The following TCF7 variants were observed in gnomAD, a reference collection of about 807,000 sequenced individuals.
The protein encoded by TCF7 is T-cell-factor-7.
In TCF7, 19 loss-of-function variants were observed where a neutral mutation model predicts 46.8. The observed-to-expected ratio is 0.41, with a 90% CI of 0.28 to 0.60. TCF7 has a LOEUF of 0.60. TCF7 is among the 20% of genes least tolerant of loss of function. The probability of loss-of-function intolerance (pLI) is 0.35; values close to 1 mark genes in which losing one functional copy is unlikely to be tolerated. For synonymous variants in TCF7, 245 were observed against 213.4 expected, an observed-to-expected ratio of 1.15 and a Z score of -1.29; for missense variants, 547 against 504.6, an observed-to-expected ratio of 1.08 and a Z score of -0.81.
chr5:134,128,121 T>C (rs535987671), intron 3 of TCF7, among the ~76,000 whole-genome samples: 7 of 152,298 alleles, frequency 4.6e-5, no homozygotes, highest in African/African-American at 1.7e-4. Flanking sequence ...GTTGCGTCTT[T>C]GGCCGCGCAC....
Position 134,138,972 on chromosome 5 carries a change from CT to C in TCF7, c.570del (p.Asp191ThrfsTer8). The C allele has an allele frequency of 1.2e-6, 2 of 1,614,040 alleles. No individual in the cohort carries two copies. ...GCAGTTCACAGGCCTCTGCAGACCC[CT>C]GACCTCTCTGGCTTCTACTCCCTGA... ...QKQVHRPLQT[P>X]DLSGFYSLTS... On this transcript the variant is annotated frameshift_variant, in exon 5 of 10. Transcript: ENST00000342854. LOFTEE classifies it high-confidence loss of function.
Position 134,145,906 on chromosome 5 carries a change from A to C in TCF7, c.1076-318A>C, listed in dbSNP as rs532659247. 7.8e-5 allele frequency: 120 copies of C among 1,541,648 alleles called. 1 individual carries two copies. In the South Asian group the frequency reaches 1.3e-3, roughly 16 times the overall value. On this transcript the variant is annotated intron_variant, in intron 9 of 9. Coordinates refer to ENST00000342854, the MANE Select transcript of TCF7 (RefSeq NM_003202.5). ...GTGAGTCCCACAAACACATCTGGAG[A>C]AGCTCAAAGGCCGGGACTGGGAGAT...
intron 3 of TCF7, among the ~76,000 whole-genome samples, chr5:134,120,625 G>A (rs1435408650): frequency 2.0e-5 from 3 of 152,116 alleles, no homozygotes; most frequent in Non-Finnish European, 4.4e-5. Flanking sequence ...GCACATAGCC[G>A]CCACCTTCTC....
At chr5:134,113,122 C>T (rs1209150054), upstream of TCF7, among the ~76,000 whole-genome samples, 1 of 152,204 alleles carries the variant, frequency 6.6e-6, no homozygotes, top group Admixed American at 6.5e-5. Flanking sequence ...GCCGAGCCCC[C>T]CCTTCCCCGC....
chr5:134,146,566 A>T lies in TCF7; in HGVS notation c.*263A>T. On this transcript the variant is annotated 3_prime_UTR_variant, in exon 10 of 10. Transcript: ENST00000342854. ...CGCCTCCAGGAGCCTACCCCCTGAA[A>T]GTGACAGAGACCCAGATCTCATGGA... The T allele has an allele frequency of 1.4e-6, 1 of 708,476 alleles. No homozygotes were observed. 43.9% of individuals were successfully genotyped at this position (708,476 alleles called of 1,614,324 possible). A position where few individuals can be genotyped will look rare whatever the true frequency, so the allele number is the denominator to read the frequency against.
At chr5:134,127,571 G>A (rs1369718061) in intron 3 of TCF7, among the ~76,000 whole-genome samples, 1 of 152,230 alleles carries the variant, frequency 6.6e-6, no homozygotes, top group Non-Finnish European at 1.5e-5. Context: ...TCTGAGTCAT[G>A]GGAAATGGCT....
rs1185149043 is a variant in TCF7 at position 134,147,588 on chromosome 5, C to T, written c.*1285C>T. 1 of 152,638 alleles carries T rather than the reference C, an allele frequency of 6.6e-6. No homozygotes were observed. Among genetic ancestry groups the T allele is most frequent in the Non-Finnish European group, 1.5e-5 (1 of 68,052 alleles). The allele number at this position is 152,638 out of a possible 1,614,324, so 9.5% of individuals were successfully genotyped here. On this transcript the variant is annotated 3_prime_UTR_variant, in exon 10 of 10. Transcript: ENST00000342854. ...AGTGGACAACAGGTTTTCACCATAGCCTACGTTAACCCATTTTTGAGCCAA... is the reference window on the plus strand; with the variant it reads ...AGTGGACAACAGGTTTTCACCATAGTCTACGTTAACCCATTTTTGAGCCAA...
At chr5:134,144,747 G>T in intron 9 of TCF7, 1 of 1,448,806 alleles carries the variant, frequency 6.9e-7, no homozygotes, top group Non-Finnish European at 9.7e-7. Flanking sequence ...CTGCCCCGCT[G>T]CCTGCTCGCC....
chr5:134,137,992 CCCTCATCCCAGTGT>C, intron 3 of TCF7, 53 bp from the exon 4 acceptor site: 1 of 1,334,668 alleles, frequency 7.5e-7, no homozygotes, highest in Non-Finnish European at 1.0e-6. Context: ...TTCCTGTATA[CCCTCATCCCAGTGT>C]CTTCCTCCCT....
chr5:134,119,675 G>A (rs1478796534), intron 3 of TCF7, among the ~76,000 whole-genome samples: 1 of 152,180 alleles, frequency 6.6e-6, no homozygotes, highest in African/African-American at 2.4e-5. Context: ...ACTCATGTTG[G>A]GGCTCCCGGC....
In TCF7 at chr5:134,143,047, G is replaced by T; in HGVS notation, c.973G>T (p.Glu325Ter). The T allele has an allele frequency of 6.2e-7, 1 of 1,611,924 alleles. No homozygotes were observed. The highest frequency in any genetic ancestry group is 8.5e-7 in the Non-Finnish European group (1 of 1,179,014). Residue 325 changes from glutamate (E) to a stop codon, truncating the protein, a stop_gained, in exon 8 of 10, where the codon GAG (glutamate) becomes TAG (stop). Coordinates refer to ENST00000342854, the MANE Select transcript of TCF7 (RefSeq NM_003202.5). LOFTEE classifies it high-confidence loss of function. ...CAAGTACTATGAGCTGGCCCGCAAG[G>T]AGAGGCAGCTGCACATGCAGCTATA... ...QAKYYELARK[E>*]RQLHMQLYPG... is the part of the protein sequence containing the mutation.
At chr5:134,121,417 C>T (rs370979043) in intron 3 of TCF7, among the ~76,000 whole-genome samples, 38 of 152,084 alleles carry the variant, frequency 2.5e-4, no homozygotes, top group African/African-American at 8.9e-4. Flanking sequence ...AACCGGGTCT[C>T]TACTAAAAAT....
upstream of TCF7, among the ~76,000 whole-genome samples, chr5:134,111,636 T>C (rs943097604): frequency 2.0e-5 from 3 of 152,010 alleles, no homozygotes; most frequent in Non-Finnish European, 4.4e-5. Context: ...ACCACCAAGA[T>C]GATTCCCTAA....
At chr5:134,137,375 G>A (rs982043863) in intron 3 of TCF7, among the ~76,000 whole-genome samples, 16 of 146,304 alleles carry the variant, frequency 1.1e-4, no homozygotes, top group South Asian at 2.1e-4. Flanking sequence ...GCAGTGAGCC[G>A]AGATCGCGCC....
intron 5 of TCF7, chr5:134,139,317 T>TC: frequency 2.2e-6 from 1 of 455,034 alleles, no homozygotes; most frequent in Non-Finnish European, 4.0e-6. Context: ...GTCCAAGAGA[T>TC]CCCCTTAGAT....
At chr5:134,145,422 G>C (rs1391107590) in intron 9 of TCF7, 1 of 561,252 alleles carries the variant, frequency 1.8e-6, no homozygotes, top group Non-Finnish European at 3.4e-6. Flanking sequence ...GGGGTACCCT[G>C]GGCTGTCTGA....
chr5:134,129,650 G>C (rs1302553477), intron 3 of TCF7, among the ~76,000 whole-genome samples: 3 of 152,272 alleles, frequency 2.0e-5, no homozygotes, highest in African/African-American at 7.2e-5. Context: ...GTAAACGAAT[G>C]CATAGAAACC....
At chr5:134,110,708 G>A (rs900710268), upstream of TCF7, among the ~76,000 whole-genome samples, 4 of 152,218 alleles carry the variant, frequency 2.6e-5, no homozygotes, top group Non-Finnish European at 5.9e-5. Context: ...AGGAAGAGAC[G>A]CCGCTCACAA....
At position 134,137,892 on chromosome 5, in the gene TCF7, G is replaced by C. The variant is rs1035425782; in HGVS notation, c.442-167G>C. 4.5e-5 allele frequency: 22 copies of C among 486,480 alleles called. No individual in the cohort carries two copies. The Admixed American group carries it at 9.1e-4, about 20-fold the overall frequency. The allele number at this position is 486,480 out of a possible 1,614,324, so 30.1% of individuals were successfully genotyped here. ...TGCTTGGGCAAAGTCTTGGGGGCTA[G>C]TGGGCGGGGTACTGGACACTGTGAC... On this transcript the variant is annotated intron_variant, in intron 3 of 9. Transcript: ENST00000342854.
Sources: allele counts gnomAD v4.1 joint callset (sites outside exome capture counted in the v4.1 genomes callset), GRCh38; gene constraint gnomAD v4.1.1; transcripts MANE v1.5; gene names NCBI Gene and HGNC (gene_info 2026-07-23, HGNC 2026-07-21).